The following LIMD1 variants were observed in gnomAD, a reference collection of about 807,000 sequenced individuals.
The protein encoded by LIMD1 is LIM domain-containing protein 1.
A neutral mutation model predicts 58.4 loss-of-function variants in LIMD1; 23 were observed. The ratio of observed to expected loss-of-function variants is 0.39; its 90% CI spans 0.28 to 0.56. The LOEUF (loss-of-function observed/expected upper bound fraction) is 0.56, where lower values mean the gene tolerates loss of function less well. Ranked by LOEUF, LIMD1 falls within the 20% of genes least tolerant of loss-of-function variation. The probability of loss-of-function intolerance (pLI) is 0.57; values close to 1 mark genes in which losing one functional copy is unlikely to be tolerated. For missense variants in LIMD1, 838 were observed against 855.5 expected, an observed-to-expected ratio of 0.98 and a Z score of 0.25; for synonymous variants, 334 against 345.5, an observed-to-expected ratio of 0.97 and a Z score of 0.37.
intron 1 of LIMD1, among the ~76,000 whole-genome samples, chr3:45,624,945 T>G (rs912214987): frequency 9.3e-5 from 14 of 151,020 alleles, no homozygotes; most frequent in Non-Finnish European, 1.8e-4. Flanking sequence ...CCCCCCAAAG[T>G]TCAAATTGTT....
intron 4 of LIMD1, among the ~76,000 whole-genome samples, chr3:45,671,772 G>T (rs1410553799): frequency 6.6e-6 from 1 of 152,190 alleles, no homozygotes; most frequent in African/African-American, 2.4e-5. Context: ...GTTTGCAGGT[G>T]ATGCTAATGC....
chr3:45,674,261 C>A, intron 6 of LIMD1, 82 bp from the exon 7 acceptor site: 1 of 1,037,376 alleles, frequency 9.6e-7, no homozygotes, highest in East Asian at 2.4e-5. Flanking sequence ...AACCCTCTTC[C>A]CTCCCCACCC....
At chr3:45,623,846 C>T (rs114579178) in intron 1 of LIMD1, among the ~76,000 whole-genome samples, 1,625 of 152,298 alleles carry the variant, frequency 0.011, 36 homozygotes, top group African/African-American at 0.035. Context: ...ACCCCCAAAA[C>T]GGGACCCTGT....
chr3:45,659,602 A>G (rs1458878357), intron 2 of LIMD1, among the ~76,000 whole-genome samples: 1 of 139,920 alleles, frequency 7.1e-6, no homozygotes, highest in Non-Finnish European at 1.6e-5. Context: ...ACATATATAT[A>G]TGCTATCCCC....
At chr3:45,661,948 G>C (rs1559524911) in intron 2 of LIMD1, among the ~76,000 whole-genome samples, 1 of 152,106 alleles carries the variant, frequency 6.6e-6, no homozygotes, top group Non-Finnish European at 1.5e-5. Context: ...TGTAGAGATG[G>C]GATCTTGCTG....
At chr3:45,658,532 A>ATGCTTTTTTTTTTTTTTTTTTTTT (rs1553646072) in intron 2 of LIMD1, among the ~76,000 whole-genome samples, 1 of 72,138 alleles carries the variant, frequency 1.4e-5, no homozygotes, top group African/African-American at 4.5e-5. Flanking sequence ...CACCATGCAG[A>ATGCTTTTTTTTTTTTTTTTTTTTT]TTCTTTTTTT....
chr3:45,616,695 C>T (rs1038309902), intron 1 of LIMD1, among the ~76,000 whole-genome samples: 2 of 151,944 alleles, frequency 1.3e-5, no homozygotes, highest in African/African-American at 4.8e-5. Flanking sequence ...GATTCACAAG[C>T]AAATCATGCC....
rs948174879 is a variant in LIMD1, at chr3:45,683,761, C to T, written c.*6702C>T. 4 of 152,164 alleles carry T rather than the reference C, an allele frequency of 2.6e-5. No individual in the cohort carries two copies. The highest frequency in any genetic ancestry group is 2.1e-4 in the South Asian group (1 of 4,814). The allele number at this position is 152,164 out of a possible 1,614,324, so 9.4% of individuals were successfully genotyped here. A position where few individuals can be genotyped will look rare whatever the true frequency, so the allele number is the denominator to read the frequency against. ...CTTGAGCTGCTTGGGCTGCTCCCAC[C>T]CTGTGGAGCGTACTTTCGTTTTTCA... On this transcript the variant is annotated 3_prime_UTR_variant, in exon 8 of 8. Transcript: ENST00000273317.
chr3:45,610,007 C>T (rs1701508411), intron 1 of LIMD1, among the ~76,000 whole-genome samples: 1 of 152,138 alleles, frequency 6.6e-6, no homozygotes. Context: ...GCCTGACCAA[C>T]ATGGTGAAAC....
chr3:45,649,319 T>G (rs1018762722), intron 2 of LIMD1, among the ~76,000 whole-genome samples: 3 of 152,136 alleles, frequency 2.0e-5, no homozygotes, highest in Admixed American at 2.0e-4. Flanking sequence ...TTTCGTATGC[T>G]GATTTGGTGA....
rs1270710455 is a variant in LIMD1, at chr3:45,622,830, G to A, written c.1409-13320G>A. ...ACTACAGGCGTGGCTACTGCACCTG[G>A]CTAATTTTTGTATTTTTAGTAGAGA... On this transcript the variant is annotated intron_variant, in intron 1 of 7. Coordinates refer to ENST00000273317, the MANE Select transcript of LIMD1 (RefSeq NM_014240.3). Among the ~76,000 whole-genome samples the A allele has an allele frequency of 2.6e-5, 4 of 152,154 alleles. No individual in the cohort carries two copies. The South Asian group carries it at 8.3e-4, about 32-fold the overall frequency.
At chr3:45,661,674 CTGTT>C (rs1428535375) in intron 2 of LIMD1, among the ~76,000 whole-genome samples, 2 of 152,216 alleles carry the variant, frequency 1.3e-5, no homozygotes, top group Non-Finnish European at 2.9e-5. Flanking sequence ...GAACAAGTAT[CTGTT>C]TGTCTGTGTC....
In LIMD1 at chr3:45,595,952, A is replaced by G; in HGVS notation, c.1073A>G (p.Asp358Gly). ...SAPSSSPAGL[D>G]GSQQGAVPGL... ...CCGTCATCCTCGCCAGCTGGTCTGG[A>G]CGGTTCACAGCAGGGTGCGGTCCCT... Residue 358 changes from aspartate to glycine, a missense_variant, in exon 1 of 8, where the codon GAC becomes GGC. By Grantham distance (94) the Asp-to-Gly change is moderately conservative (BLOSUM62 -1). Transcript: ENST00000273317. The G allele has an allele frequency of 4.3e-6, 7 of 1,614,162 alleles. No homozygotes were observed. The highest frequency in any genetic ancestry group is 5.1e-6 in the Non-Finnish European group (6 of 1,180,012).
chr3:45,606,758 G>T (rs184718291), intron 1 of LIMD1, among the ~76,000 whole-genome samples: 4 of 152,212 alleles, frequency 2.6e-5, no homozygotes, highest in Non-Finnish European at 2.9e-5. Flanking sequence ...AGCAACCCCA[G>T]GCTGTGTGCA....
At chr3:45,621,046 C>T (rs1413422033) in intron 1 of LIMD1, among the ~76,000 whole-genome samples, 1 of 152,130 alleles carries the variant, frequency 6.6e-6, no homozygotes, top group South Asian at 2.1e-4. Context: ...AGGCAAACCC[C>T]AGTTCGGGAC....
At chr3:45,596,710 G>T (rs1701359510) in intron 1 of LIMD1, among the ~76,000 whole-genome samples, 2 of 152,054 alleles carry the variant, frequency 1.3e-5, no homozygotes, top group Non-Finnish European at 2.9e-5. Context: ...GGGCAGATCT[G>T]GTTGATCTGG....
Position 45,673,597 on chromosome 3 carries a change from GC to G in LIMD1, c.1824+93del, listed in dbSNP as rs1214141403. On this transcript the variant is annotated intron_variant, in intron 6 of 7. Coordinates refer to ENST00000273317, the MANE Select transcript of LIMD1 (RefSeq NM_014240.3). ...ACAAGATCCATGTCCTGTCCTTACA[GC>G]TTTTAAGGTATCCTTTTAAAAATCT... 5 of 1,057,982 alleles carry G rather than the reference GC, an allele frequency of 4.7e-6. No individual in the cohort carries two copies. In the African/African-American group the frequency reaches 7.8e-5, roughly 16 times the overall value. The allele number at this position is 1,057,982 out of a possible 1,614,324, so 65.5% of individuals were successfully genotyped here. A position where few individuals can be genotyped will look rare whatever the true frequency, so the allele number is the denominator to read the frequency against.
At chr3:45,611,941 T>C (rs976381552) in intron 1 of LIMD1, among the ~76,000 whole-genome samples, 2 of 151,978 alleles carry the variant, frequency 1.3e-5, no homozygotes, top group African/African-American at 4.8e-5. Flanking sequence ...TCTGCCCAAA[T>C]TTGTAGCCAG....
rs1575337582 is a variant in LIMD1, at chr3:45,594,817, A to G, written c.-63A>G. Reference sequence around the variant, plus strand: ...CACACACACACACACACACACACACACACACACACACACACACACACACAC... The same window carrying G: ...CACACACACACACACACACACACACGCACACACACACACACACACACACAC... On this transcript the variant is annotated 5_prime_UTR_variant, in exon 1 of 8. Transcript: ENST00000273317. The G allele has an allele frequency of 2.6e-6, 2 of 774,514 alleles. No individual in the cohort carries two copies. The highest frequency in any genetic ancestry group is 4.1e-6 in the Non-Finnish European group (2 of 491,258). The allele number at this position is 774,514 out of a possible 1,614,324, so 48.0% of individuals were successfully genotyped here.
Sources: gnomAD v4.1 joint callset for allele counts (sites outside exome capture counted in the v4.1 genomes callset) on GRCh38, gnomAD v4.1.1 for gene constraint, MANE v1.5 for transcripts, NCBI Gene and HGNC (gene_info 2026-07-23, HGNC 2026-07-21) for gene names.